The following RBM44 variants were observed in gnomAD, a reference collection of about 807,000 sequenced individuals.
RBM44 encodes RNA binding motif protein 44, also known as RNA-binding protein 44.
In RBM44, 66 loss-of-function variants were observed where a neutral mutation model predicts 105.1. The ratio of observed to expected loss-of-function variants is 0.63; its 90% CI spans 0.52 to 0.77. The LOEUF is 0.77. Among genes scored for constraint, RBM44 ranks in the 30% least tolerant of loss-of-function variants. The pLI is 0.00. For missense variants in RBM44, 1,122 were observed against 1,207.8 expected, an observed-to-expected ratio of 0.93 and a Z score of 1.05; for synonymous variants, 365 against 417.6, an observed-to-expected ratio of 0.87 and a Z score of 1.54.
chr2:237,835,795 C>T (rs1338038511), intron 15 of RBM44, among the ~76,000 whole-genome samples: 1 of 150,762 alleles, frequency 6.6e-6, no homozygotes, highest in Admixed American at 6.6e-5. Flanking sequence ...GATTTTGGTG[C>T]ACCCATCGCC....
At chr2:237,802,445 C>A (rs2061554746) in intron 1 of RBM44, among the ~76,000 whole-genome samples, 1 of 152,186 alleles carries the variant, frequency 6.6e-6, no homozygotes, top group Admixed American at 6.5e-5. Context: ...TACCCTACCT[C>A]CAATCCTCTG....
chr2:237,813,025 A>G (rs1478475487), intron 1 of RBM44, among the ~76,000 whole-genome samples: 1 of 152,116 alleles, frequency 6.6e-6, no homozygotes, highest in African/African-American at 2.4e-5. Context: ...CATTTCAGTG[A>G]TTTTTAGTAA....
chr2:237,830,608 C>T (rs1214123995), intron 13 of RBM44, among the ~76,000 whole-genome samples: 1 of 151,908 alleles, frequency 6.6e-6, no homozygotes, highest in South Asian at 2.1e-4. Context: ...TGTTTATTTG[C>T]ATTTGTTTCT....
rs1288606614 is a variant in RBM44 at position 237,829,378 on chromosome 2, C to T, written c.2762C>T (p.Ser921Leu). The stretch of plus-strand genomic sequence containing the variant: ...TCCAAAAATGGGAATAGAATTAGTT[C>T]GAATAATTTAGAGAAAAGCACCAAC... The part of the protein sequence containing the change: ...LSSKNGNRIS[S>L]NNLEKSTNKQ... The change falls in exon 13 of 16, where the codon TCG becomes TTG. Residue 921 changes from serine to leucine, a missense_variant. This residue lies in a region of RBM44 where 194 missense variants were observed against 225.5 expected (regional missense o/e 0.86). Transcript: ENST00000316997. 11 of 1,613,456 alleles carry T rather than the reference C, an allele frequency of 6.8e-6. 1 individual carries two copies. The Admixed American group carries it at 1.0e-4, about 15-fold the overall frequency.
At chr2:237,828,071 G>A (rs1467421193) in intron 12 of RBM44, among the ~76,000 whole-genome samples, 1 of 152,106 alleles carries the variant, frequency 6.6e-6, no homozygotes, top group Non-Finnish European at 1.5e-5. Flanking sequence ...CTTTTTAGTT[G>A]ACACTTTTTA....
chr2:237,812,505 C>T (rs899316094), intron 1 of RBM44, among the ~76,000 whole-genome samples: 10 of 152,188 alleles, frequency 6.6e-5, no homozygotes, highest in African/African-American at 2.4e-4. Flanking sequence ...AGGCTGTCTC[C>T]ATGACATGAG....
In RBM44 at chr2:237,809,822, C is replaced by T. The variant is rs573600682; in HGVS notation, c.-18-3770C>T. 4.6e-5 allele frequency among the ~76,000 whole-genome samples: 7 copies of T among 152,308 alleles called. No homozygotes were observed. In the East Asian group the frequency reaches 1.3e-3, roughly 29 times the overall value. ...TGGCTCATGCCTGTAATCCCAGCTA[C>T]TCAGGAGGCTGAAGTGGGAGGATCA... On this transcript the variant is annotated intron_variant, in intron 1 of 15. Coordinates refer to ENST00000316997, the MANE Select transcript of RBM44 (RefSeq NM_001080504.3).
chr2:237,810,727 C>T (rs2061650767), intron 1 of RBM44, among the ~76,000 whole-genome samples: 1 of 152,104 alleles, frequency 6.6e-6, no homozygotes, highest in Non-Finnish European at 1.5e-5. Context: ...TGGTCTAAGG[C>T]ATGGGGAAAG....
At chr2:237,822,406 G>A (rs4663792) in intron 8 of RBM44, among the ~76,000 whole-genome samples, 19,794 of 152,000 alleles carry the variant, frequency 0.13, 1,684 homozygotes, top group East Asian at 0.41. Context: ...AAAGTGTTAT[G>A]GAAACATTGG....
chr2:237,806,106 A>G (rs1299957386), intron 1 of RBM44, among the ~76,000 whole-genome samples: 1 of 152,198 alleles, frequency 6.6e-6, no homozygotes, highest in Non-Finnish European at 1.5e-5. Flanking sequence ...TCATTTTGGA[A>G]GGTGGTTTTC....
Position 237,823,598 on chromosome 2 carries a change from A to G in RBM44, c.2320+44A>G, listed in dbSNP as rs764326386. The G allele has an allele frequency of 2.9e-5, 26 of 887,124 alleles. No individual in the cohort carries two copies. In the African/African-American group the frequency reaches 3.9e-4, roughly 13 times the overall value. 55.0% of individuals were successfully genotyped at this position (887,124 alleles called of 1,614,324 possible). The stretch of plus-strand genomic sequence containing the variant: ...TATCTTGTATAGTTGCTGGAAAACA[A>G]AATAAGGTTTAAAGTATTGGTAGTG... On this transcript the variant is annotated intron_variant, in intron 9 of 15. Transcript: ENST00000316997.
At chr2:237,805,002 C>T (rs1191176688) in intron 1 of RBM44, among the ~76,000 whole-genome samples, 1 of 152,078 alleles carries the variant, frequency 6.6e-6, no homozygotes, top group African/African-American at 2.4e-5. Context: ...CCAGAGCAAT[C>T]GAGCAAGAGA....
At chr2:237,815,083 T>C (rs889213967) in intron 2 of RBM44, among the ~76,000 whole-genome samples, 6 of 152,138 alleles carry the variant, frequency 3.9e-5, no homozygotes, top group Non-Finnish European at 7.4e-5. Context: ...CTTGGGTGGC[T>C]GAGGCAGGAA....
rs747039453 is a variant in RBM44 at position 237,820,223 on chromosome 2, C to T, written c.1785C>T (p.Cys595=). The change falls in exon 5 of 16, where the codon TGC becomes TGT. Residue 595 remains cysteine (C), a synonymous_variant. Transcript: ENST00000316997. ...KDTEKDLPSM[C]CQKIMQRAIK... is the part of the protein sequence containing the mutation. ...CAGAGAAGGATTTGCCATCAATGTG[C>T]TGTCAGAAGATAATGCAGAGAGCCA... The T allele has an allele frequency of 7.6e-6, 12 of 1,578,264 alleles. No homozygotes were observed. In the South Asian group the frequency reaches 1.4e-4, roughly 19 times the overall value.
intron 1 of RBM44, among the ~76,000 whole-genome samples, chr2:237,801,838 A>G (rs565925408): frequency 1.3e-5 from 2 of 152,284 alleles, no homozygotes; most frequent in African/African-American, 2.4e-5. Flanking sequence ...CAACTGTGCT[A>G]TACAATTATT....
rs2150966494 is a variant in RBM44 at position 237,803,780 on chromosome 2, A to AT, written c.-19+4921dup. Among the ~76,000 whole-genome samples, 1 of 152,172 alleles carries AT rather than the reference A, an allele frequency of 6.6e-6. No individual in the cohort carries two copies. The highest frequency in any genetic ancestry group is 1.5e-5 in the Non-Finnish European group (1 of 68,020). On this transcript the variant is annotated intron_variant, in intron 1 of 15. Transcript: ENST00000316997. This position sits in a 1 kb window ranked among gnomAD's most constrained non-coding sequence, Gnocchi z 4.2. The stretch of plus-strand genomic sequence containing the variant: ...TAAAAATATGATTCATCTCACTTTT[A>AT]TTGTGGTGTGAGGTGTGGGTCCAGG...
chr2:237,827,202 T>TA (rs1287564407), intron 10 of RBM44, 48 bp from the exon 11 acceptor site: 2 of 1,031,846 alleles, frequency 1.9e-6, no homozygotes, highest in Admixed American at 4.7e-5. Context: ...CTCTGAAACA[T>TA]ATCAGTACAA....
chr2:237,820,634 G>T, intron 5 of RBM44: 1 of 269,312 alleles, frequency 3.7e-6, no homozygotes, highest in Non-Finnish European at 6.9e-6. Context: ...GCTACCACAC[G>T]TTCTCTGGCT....
rs943579829 is a variant in RBM44, at chr2:237,831,695, C to T, written c.2886+2193C>T. ...GACTTCAGTCTCTAAAATTTTACCT[C>T]AACGGCCCTTTTCATAAGGCACTAG... On this transcript the variant is annotated intron_variant, in intron 13 of 15. Coordinates refer to ENST00000316997, the MANE Select transcript of RBM44 (RefSeq NM_001080504.3). 2.0e-5 allele frequency among the ~76,000 whole-genome samples: 3 copies of T among 152,328 alleles called. No homozygotes were observed. In the East Asian group the frequency reaches 5.8e-4, roughly 29 times the overall value.
Sources: allele counts gnomAD v4.1 joint callset (sites outside exome capture counted in the v4.1 genomes callset), GRCh38; gene constraint gnomAD v4.1.1; regional missense constraint gnomAD v4.1.1; non-coding constraint Gnocchi (gnomAD v3.1); transcripts MANE v1.5; gene names NCBI Gene and HGNC (gene_info 2026-07-23, HGNC 2026-07-21).